ZNF248: variants seen among roughly 807,000 people sequenced by gnomAD.
The protein encoded by ZNF248 is zinc finger protein 248, also known as KRAB protein domain.
Under a neutral mutation model 44.3 loss-of-function variants are expected in ZNF248, and 20 were observed. The observed-to-expected ratio is 0.45, with a 90% CI of 0.32 to 0.66. The LOEUF is 0.66. Ranked by LOEUF, ZNF248 falls within the 30% of genes least tolerant of loss-of-function variation. The pLI is 0.04. For missense variants in ZNF248, 654 were observed against 677.0 expected (o/e 0.97, Z 0.38); for synonymous variants, 224 against 229.0 (o/e 0.98, Z 0.20).
chr10:37,833,068 T>C lies in ZNF248; in HGVS notation c.287A>G (p.Glu96Gly), dbSNP rs1207578825. The change falls in exon 6 of 6, where the codon GAA becomes GGA. Residue 96 changes from glutamate (E) to glycine (G), a missense_variant. By Grantham distance (98) the Glu-to-Gly change is moderately conservative. Coordinates refer to ENST00000395867, the MANE Select transcript of ZNF248 (RefSeq NM_021045.3). The stretch of plus-strand genomic sequence containing the variant: ...TAGAAGCTCCCAAAAATGGTCATCT[T>C]CATTTTCCTGGCTGCTCTCTAACAC... ...DDVLESSQEN[E>G]DDHFWELLFH... is the part of the protein sequence containing the mutation. 2 of 1,610,220 alleles carry C rather than the reference T, an allele frequency of 1.2e-6. No homozygotes were observed. Among genetic ancestry groups the C allele is most frequent in the Admixed American group, 1.7e-5 (1 of 59,026 alleles).
intron 6 of ZNF248, chr10:37,819,642 G>A (rs1348292922): frequency 1.2e-6 from 1 of 807,888 alleles, no homozygotes; most frequent in African/African-American, 1.7e-5. Context: ...AGCCTTTCCA[G>A]CTCTGCCTGG....
the ZNF248 span, among the ~76,000 whole-genome samples, chr10:37,762,601 T>C: frequency 6.6e-6 from 1 of 152,330 alleles, no homozygotes; most frequent in African/African-American, 2.4e-5. Context: ...GAAATAAGTA[T>C]GTGGCCTGGA....
At chr10:37,806,884 C>T (rs1434437042) in intron 6 of ZNF248, among the ~76,000 whole-genome samples, 2 of 152,140 alleles carry the variant, frequency 1.3e-5, no homozygotes, top group African/African-American at 4.8e-5. Context: ...TTAACTCTTA[C>T]ATGTAGGCCT....
Position 37,831,035 on chromosome 10 carries a change from C to T in ZNF248, c.*580G>A. On this transcript the variant is annotated 3_prime_UTR_variant, in exon 6 of 6. Coordinates refer to ENST00000395867, the MANE Select transcript of ZNF248 (RefSeq NM_021045.3). ...AAGTATGTGTGTAGAAATATATTTA[C>T]ATATACACACAAACATATGTACATA... 1.0e-6 allele frequency: 1 copy of T among 992,790 alleles called. No homozygotes were observed. Among genetic ancestry groups the T allele is most frequent in the Admixed American group, 4.0e-5 (1 of 24,786 alleles). 61.5% of individuals were successfully genotyped at this position (992,790 alleles called of 1,614,324 possible). A position where few individuals can be genotyped will look rare whatever the true frequency, so the allele number is the denominator to read the frequency against.
Position 37,797,050 on chromosome 10 carries a change from C to G in ZNF248, c.331-20475G>C, listed in dbSNP as rs535676277. ...GTCTAACTGATTTAATCCTCACAACCCTTTGAGATAGGTTATATTATTATC... is the reference window on the plus strand; with the variant it reads ...GTCTAACTGATTTAATCCTCACAACGCTTTGAGATAGGTTATATTATTATC... On this transcript the variant is annotated intron_variant, in intron 6 of 6. Transcript: ENST00000615949. 2.0e-5 allele frequency among the ~76,000 whole-genome samples: 3 copies of G among 152,112 alleles called. No homozygotes were observed. In the South Asian group the frequency reaches 6.2e-4, roughly 32 times the overall value.
At chr10:37,768,633 G>A in the ZNF248 span, among the ~76,000 whole-genome samples, 1 of 152,140 alleles carries the variant, frequency 6.6e-6, no homozygotes, top group East Asian at 1.9e-4. Context: ...TGTGTAGAGG[G>A]AAATTTATAG....
At chr10:37,771,501 T>A in the ZNF248 span, among the ~76,000 whole-genome samples, 1 of 125,274 alleles carries the variant, frequency 8.0e-6, no homozygotes, top group Admixed American at 8.9e-5. Flanking sequence ...AAACCATCAT[T>A]CTCAGCAAAC....
chr10:37,795,868 A>G (rs1227629082), intron 6 of ZNF248: 1 of 152,216 alleles, frequency 6.6e-6, no homozygotes, highest in Admixed American at 6.5e-5. Context: ...AAGTCTTTTT[A>G]TGATTAATCA....
the ZNF248 span, among the ~76,000 whole-genome samples, chr10:37,763,163 C>T: frequency 3.3e-5 from 5 of 152,192 alleles, no homozygotes; most frequent in Middle Eastern, 6.8e-3. Context: ...AAGAAGGGGT[C>T]GGGGGCACCA....
the ZNF248 span, among the ~76,000 whole-genome samples, chr10:37,766,187 C>A: frequency 2.6e-5 from 4 of 152,258 alleles, no homozygotes; most frequent in Admixed American, 1.3e-4. Context: ...GGGGGCAGGG[C>A]ACAGACAAAC....
At chr10:37,824,290 G>A (rs954295842), downstream of ZNF248, among the ~76,000 whole-genome samples, 3 of 152,152 alleles carry the variant, frequency 2.0e-5, no homozygotes, top group African/African-American at 7.2e-5. Context: ...TCAGTTGGAT[G>A]AGTCCCACCC....
chr10:37,770,925 G>GA, the ZNF248 span, among the ~76,000 whole-genome samples: 1 of 151,870 alleles, frequency 6.6e-6, no homozygotes, highest in Non-Finnish European at 1.5e-5. Context: ...AAATTTACAA[G>GA]AAAAAAACAA....
At chr10:37,785,399 C>A (rs752318509) in intron 6 of ZNF248, among the ~76,000 whole-genome samples, 54 of 152,130 alleles carry the variant, frequency 3.5e-4, no homozygotes, top group Non-Finnish European at 6.0e-4. Context: ...CAGACTCACA[C>A]CAAATCATAA....
chr10:37,786,134 G>A (rs1341057837), intron 6 of ZNF248, among the ~76,000 whole-genome samples: 1 of 152,170 alleles, frequency 6.6e-6, no homozygotes, highest in Non-Finnish European at 1.5e-5. Flanking sequence ...GGCTGATCAA[G>A]CTCCTGCTAA....
intron 6 of ZNF248, among the ~76,000 whole-genome samples, chr10:37,802,176 T>C (rs768186618): frequency 6.6e-6 from 1 of 152,224 alleles, no homozygotes; most frequent in Non-Finnish European, 1.5e-5. Context: ...ACAAAGTCCA[T>C]TGTAAAACAA....
In ZNF248 at chr10:37,832,381, C is replaced by G; in HGVS notation, c.974G>C (p.Arg325Pro). ...GGTTTTGTCACTCACTTTATATTCACGGAGAATCTTTCTTGTGTAAGCTCC... is the reference window on the plus strand; with the variant it reads ...GGTTTTGTCACTCACTTTATATTCAGGGAGAATCTTTCTTGTGTAAGCTCC... ...HQGAYTRKIL[R>P]EYKVSDKTWE... Residue 325 changes from arginine (R) to proline (P), a missense_variant, in exon 6 of 6, where the codon CGT becomes CCT. Transcript: ENST00000395867. The G allele has an allele frequency of 6.2e-7, 1 of 1,614,018 alleles. No individual in the cohort carries two copies. Among genetic ancestry groups the G allele is most frequent in the Non-Finnish European group, 8.5e-7 (1 of 1,179,940 alleles).
At chr10:37,844,766 A>G (rs1361231341) in intron 3 of ZNF248, among the ~76,000 whole-genome samples, 1 of 152,212 alleles carries the variant, frequency 6.6e-6, no homozygotes, top group East Asian at 1.9e-4. Flanking sequence ...AAATCAAAAT[A>G]TGCTACAAAA....
the ZNF248 span, among the ~76,000 whole-genome samples, chr10:37,759,377 G>A: frequency 0.06 from 9,119 of 152,234 alleles, 352 homozygotes; most frequent in Middle Eastern, 0.095. Context: ...ATATGAACAA[G>A]TTCATGAAAC....
the ZNF248 span, among the ~76,000 whole-genome samples, chr10:37,759,723 G>A: frequency 6.6e-6 from 1 of 152,236 alleles, no homozygotes; most frequent in Non-Finnish European, 1.5e-5. Context: ...ACCGAGTTGA[G>A]GTTAGAGCCC....
Sources: gnomAD v4.1 joint callset for allele counts (sites outside exome capture counted in the v4.1 genomes callset) on GRCh38, gnomAD v4.1.1 for gene constraint, MANE v1.5 for transcripts, NCBI Gene and HGNC (gene_info 2026-07-23, HGNC 2026-07-21) for gene names.